Variants in PLXDC2 observed in about 807,000 individuals in gnomAD.
The protein encoded by PLXDC2 is plexin domain-containing protein 2.
PLXDC2 carries 40 observed loss-of-function variants against 68.9 expected under a neutral mutation model. That is an observed-to-expected ratio of 0.58 (90% CI 0.45 to 0.76). The LOEUF (loss-of-function observed/expected upper bound fraction) is 0.76, where lower values mean the gene tolerates loss of function less well. Ranked by LOEUF, PLXDC2 falls within the 30% of genes least tolerant of loss-of-function variation. PLXDC2 has a pLI of 0.00. For missense variants in PLXDC2, 644 were observed against 661.9 expected, an observed-to-expected ratio of 0.97 and a Z score of 0.30; for synonymous variants, 243 against 234.2, an observed-to-expected ratio of 1.04 and a Z score of -0.34.
chr10:20,273,852 CTAAA>C (rs1381129172), intron 13 of PLXDC2, among the ~76,000 whole-genome samples: 1 of 152,024 alleles, frequency 6.6e-6, no homozygotes, highest in Non-Finnish European at 1.5e-5. Flanking sequence ...CCTGTCTCTA[CTAAA>C]TAAATAAATA....
chr10:19,955,298 G>T (rs1834052227), intron 1 of PLXDC2, among the ~76,000 whole-genome samples: 2 of 150,752 alleles, frequency 1.3e-5, no homozygotes, highest in Non-Finnish European at 2.9e-5. Context: ...CTCCCAAACT[G>T]CTGAGATGAC....
rs575317157 is a variant in PLXDC2 at position 19,866,212 on chromosome 10, A to G, written c.112+49021A>G. On this transcript the variant is annotated intron_variant, in intron 1 of 13. Transcript: ENST00000377252. ...TCTTTATTTGTTTAGTGGCTTAAAC[A>G]ACACAAATTTATTGTCCTGCATTTC... 4.9e-4 allele frequency among the ~76,000 whole-genome samples: 74 copies of G among 152,338 alleles called. 1 individual carries two copies. The highest frequency in any genetic ancestry group is 1.7e-3 in the African/African-American group (69 of 41,586).
chr10:19,904,602 T>A (rs2131369865), intron 1 of PLXDC2, among the ~76,000 whole-genome samples: 1 of 152,268 alleles, frequency 6.6e-6, no homozygotes, highest in South Asian at 2.1e-4. Flanking sequence ...AGTTTTTCAG[T>A]GTCTCATGAA....
intron 4 of PLXDC2, among the ~76,000 whole-genome samples, chr10:20,115,676 C>T (rs1278364967): frequency 1.3e-5 from 2 of 152,134 alleles, no homozygotes; most frequent in Non-Finnish European, 2.9e-5. Flanking sequence ...GTCTACGCCT[C>T]CCCCATACTT....
chr10:19,876,675 T>C (rs182973474), intron 1 of PLXDC2, among the ~76,000 whole-genome samples: 5 of 151,266 alleles, frequency 3.3e-5, no homozygotes, highest in Non-Finnish European at 5.9e-5. Flanking sequence ...TGAGTAGTTA[T>C]GACAGAATCA....
intron 9 of PLXDC2, among the ~76,000 whole-genome samples, chr10:20,192,333 G>A (rs10827993): frequency 0.47 from 71,881 of 151,730 alleles, 17,229 homozygotes; most frequent in Middle Eastern, 0.56. Flanking sequence ...TAGCTTATGT[G>A]TACTAACCTC....
intron 9 of PLXDC2, among the ~76,000 whole-genome samples, chr10:20,187,329 T>C (rs1409024220): frequency 6.6e-6 from 1 of 151,824 alleles, no homozygotes; most frequent in Non-Finnish European, 1.5e-5. Flanking sequence ...TTCTTTTTTG[T>C]AGATCTTTTT....
At chr10:20,188,746 A>T (rs1834719488) in intron 9 of PLXDC2, among the ~76,000 whole-genome samples, 1 of 151,828 alleles carries the variant, frequency 6.6e-6, no homozygotes, top group South Asian at 2.1e-4. Context: ...AAAGAAAGTA[A>T]GAAGCTTTTG....
intron 1 of PLXDC2, among the ~76,000 whole-genome samples, chr10:19,968,452 A>G (rs1834300370): frequency 6.6e-6 from 1 of 152,088 alleles, no homozygotes. Context: ...CGCTGGGACT[A>G]CAGGCGCACA....
At chr10:19,862,718 A>G (rs961951016) in intron 1 of PLXDC2, among the ~76,000 whole-genome samples, 8 of 152,222 alleles carry the variant, frequency 5.3e-5, no homozygotes, top group African/African-American at 1.9e-4. Flanking sequence ...AAACTTCCCA[A>G]TCACGGAAAA....
chr10:19,817,237 G>A, intron 1 of PLXDC2, 46 bp downstream of exon 1: 3 of 1,457,542 alleles, frequency 2.1e-6, no homozygotes, highest in South Asian at 2.4e-5. Flanking sequence ...CGCAGCTGAA[G>A]ACCTCTCTGG....
intron 1 of PLXDC2, among the ~76,000 whole-genome samples, chr10:19,989,913 C>T (rs1048043556): frequency 6.6e-6 from 1 of 151,838 alleles, no homozygotes; most frequent in Non-Finnish European, 1.5e-5. Context: ...CCATGCCCGG[C>T]TAATTTTTGT....
At chr10:19,882,521 C>T (rs1470986326) in intron 1 of PLXDC2, among the ~76,000 whole-genome samples, 1 of 152,216 alleles carries the variant, frequency 6.6e-6, no homozygotes, top group Admixed American at 6.5e-5. Context: ...CCAGTTCTGT[C>T]TAAGTCCAAA....
chr10:19,935,598 GA>G (rs1416913142), intron 1 of PLXDC2, among the ~76,000 whole-genome samples: 1 of 152,202 alleles, frequency 6.6e-6, no homozygotes, highest in Non-Finnish European at 1.5e-5. Flanking sequence ...AAGAGGCAAA[GA>G]GATGCTTGGC....
rs1176414104 is a variant in PLXDC2, at chr10:20,046,367, A to G, written c.325-502A>G. 2.6e-5 allele frequency among the ~76,000 whole-genome samples: 4 copies of G among 152,246 alleles called. No homozygotes were observed. In the East Asian group the frequency reaches 7.7e-4, roughly 29 times the overall value. On this transcript the variant is annotated intron_variant, in intron 2 of 13. Transcript: ENST00000377252. ...AAATTCAAAACTTAGAAGGAAATAT[A>G]TATTGAAATTTTTAAATATGCAAAA...
At chr10:20,106,737 G>A (rs753050323) in intron 4 of PLXDC2, among the ~76,000 whole-genome samples, 6 of 151,536 alleles carry the variant, frequency 4.0e-5, no homozygotes, top group African/African-American at 7.3e-5. Flanking sequence ...TTCAACTCTC[G>A]GCCTTTCAGA....
At chr10:19,962,235 C>T (rs895945890) in intron 1 of PLXDC2, among the ~76,000 whole-genome samples, 1 of 151,738 alleles carries the variant, frequency 6.6e-6, no homozygotes, top group African/African-American at 2.4e-5. Context: ...GTCATTTTTC[C>T]CAGGAGAGCT....
At chr10:19,921,109 CTTCT>C (rs1833455080) in intron 1 of PLXDC2, among the ~76,000 whole-genome samples, 2 of 133,570 alleles carry the variant, frequency 1.5e-5, no homozygotes, top group African/African-American at 2.7e-5. Flanking sequence ...TTCTTTTCTT[CTTCT>C]TTTTTTTTTT....
At chr10:20,126,741 C>CACACGTTATATATGTATATAGA (rs1564325293) in intron 4 of PLXDC2, among the ~76,000 whole-genome samples, 12 of 3,420 alleles carry the variant, frequency 3.5e-3, no homozygotes, top group African/African-American at 0.01. Context: ...GTATATAGAA[C>CACACGTTATATATGTATATAGA]ACACACGTTA....
Sources: allele counts gnomAD v4.1 joint callset (sites outside exome capture counted in the v4.1 genomes callset), GRCh38; gene constraint gnomAD v4.1.1; transcripts MANE v1.5; gene names NCBI Gene and HGNC (gene_info 2026-07-23, HGNC 2026-07-21).